SMARCA5: variants seen among roughly 807,000 people sequenced by gnomAD.
SMARCA5 encodes the protein SNF2 related chromatin remodeling ATPase 5.
SMARCA5 carries 18 observed loss-of-function variants against 140.4 expected under a neutral mutation model. The ratio of observed to expected loss-of-function variants is 0.13; its 90% CI spans 0.09 to 0.19. The LOEUF is 0.19. SMARCA5 is among the 10% of genes least tolerant of loss of function. The pLI is 1.00. For missense variants in SMARCA5, 606 were observed against 1,276.8 expected, an observed-to-expected ratio of 0.47 and a Z score of 8.01; for synonymous variants, 449 against 419.6, an observed-to-expected ratio of 1.07 and a Z score of -0.86.
At chr4:143,537,362 C>T (rs766238674) in intron 11 of SMARCA5, among the ~76,000 whole-genome samples, 1 of 152,102 alleles carries the variant, frequency 6.6e-6, no homozygotes, top group Non-Finnish European at 1.5e-5. Context: ...TGTGCAGATT[C>T]AAGTTTGTGT....
At chr4:143,538,079 G>C (rs529919261) in intron 11 of SMARCA5, among the ~76,000 whole-genome samples, 2 of 152,272 alleles carry the variant, frequency 1.3e-5, no homozygotes, top group East Asian at 3.9e-4. Context: ...TTATGTAGCT[G>C]CCTAAAGAAG....
chr4:143,531,936 T>C (rs570503551), intron 9 of SMARCA5, among the ~76,000 whole-genome samples: 2 of 152,324 alleles, frequency 1.3e-5, no homozygotes, highest in African/African-American at 4.8e-5. Context: ...ATTCCATCTT[T>C]AACAATCTGA....
At position 143,540,467 on chromosome 4, in the gene SMARCA5, C is replaced by T. The variant is rs1360451845; in HGVS notation, c.1875C>T (p.Leu625=). The change falls in exon 14 of 24, where the codon CTC becomes CTT. Residue 625 remains leucine (L), a synonymous_variant. Transcript: ENST00000283131. The part of the protein sequence containing the change: ...ERIVERAEMK[L]RLDSIVIQQG... ...TAGTAGAACGTGCTGAGATGAAACT[C>T]AGACTGGATTCAATAGTCATTCAAC... The T allele has an allele frequency of 6.2e-7, 1 of 1,612,652 alleles. No individual in the cohort carries two copies.
At chr4:143,534,788 C>G in intron 9 of SMARCA5, 67 bp from the exon 10 acceptor site, 1 of 1,147,370 alleles carries the variant, frequency 8.7e-7, no homozygotes, top group Non-Finnish European at 1.2e-6. Flanking sequence ...ATATACAATT[C>G]TAAGATGCTG....
At chr4:143,545,874 A>C (rs766738363) in intron 18 of SMARCA5, 51 bp from the exon 19 acceptor site, 1 of 1,543,756 alleles carries the variant, frequency 6.5e-7, no homozygotes, top group Non-Finnish European at 8.8e-7. Context: ...TTGGTTCATC[A>C]CATGCTCTTT....
Position 143,556,100 on chromosome 4 carries a change from C to T in SMARCA5, c.*2916C>T, listed in dbSNP as rs1017189256. ...TCCATAATTTGAATGCTCATTAGGGCATTTCTGATTTTTGGATTAGGGATG... is the reference window on the plus strand; with the variant it reads ...TCCATAATTTGAATGCTCATTAGGGTATTTCTGATTTTTGGATTAGGGATG... On this transcript the variant is annotated 3_prime_UTR_variant, in exon 24 of 24. Transcript: ENST00000283131. The T allele has an allele frequency of 9.9e-5, 15 of 152,112 alleles. No homozygotes were observed. The highest frequency in any genetic ancestry group is 1.3e-4 in the Admixed American group (2 of 15,280). The allele number at this position is 152,112 out of a possible 1,614,324, so 9.4% of individuals were successfully genotyped here.
In SMARCA5 at chr4:143,513,718, G is replaced by T. The variant is rs1473092508; in HGVS notation, c.-207G>T. On this transcript the variant is annotated 5_prime_UTR_variant, in exon 1 of 24. Transcript: ENST00000283131. The stretch of plus-strand genomic sequence containing the variant: ...GAGGTAAGCGCCGGTGGAACCTAGA[G>T]CCCCGCGGAAGAGCAGAACGTTTGG... 6.8e-6 allele frequency: 4 copies of T among 591,852 alleles called. No individual in the cohort carries two copies. Among genetic ancestry groups the T allele is most frequent in the East Asian group, 6.4e-5 (2 of 31,446 alleles). 36.7% of individuals were successfully genotyped at this position (591,852 alleles called of 1,614,324 possible). A position where few individuals can be genotyped will look rare whatever the true frequency, so the allele number is the denominator to read the frequency against.
intron 3 of SMARCA5, among the ~76,000 whole-genome samples, chr4:143,522,271 TG>T (rs1269625671): frequency 3.5e-4 from 54 of 152,314 alleles, no homozygotes; most frequent in African/African-American, 1.2e-3. Context: ...CGTCCTTTGG[TG>T]GTGGTTGAAA....
chr4:143,544,226 A>G, intron 16 of SMARCA5: 1 of 235,174 alleles, frequency 4.3e-6, no homozygotes, highest in South Asian at 1.5e-4. Context: ...GTATGGGATG[A>G]ATAGTAATTT....
intron 11 of SMARCA5, among the ~76,000 whole-genome samples, chr4:143,537,019 T>A (rs183208228): frequency 4.6e-5 from 7 of 152,292 alleles, no homozygotes; most frequent in African/African-American, 1.4e-4. Flanking sequence ...TAGACAGTGG[T>A]GGTGTGTTCA....
intron 2 of SMARCA5, among the ~76,000 whole-genome samples, chr4:143,520,375 C>T (rs930837993): frequency 3.3e-5 from 5 of 152,182 alleles, no homozygotes. Context: ...TACTGGGGTT[C>T]TAGCATGTTC....
intron 19 of SMARCA5, 134 bp from the exon 20 acceptor site, chr4:143,546,642 G>A (rs892418791): frequency 8.4e-6 from 6 of 714,080 alleles, no homozygotes; most frequent in African/African-American, 3.6e-5. Flanking sequence ...TTATGTACAC[G>A]AAAAGTTACC....
rs1737444881 is a variant in SMARCA5, at chr4:143,542,371, A to G, written c.1904-1138A>G. ...TGTTTTTTATTTGAGGGACATAATT[A>G]AAAACGAGAGTACACAAGCACTTTA... On this transcript the variant is annotated intron_variant, in intron 14 of 23. Transcript: ENST00000283131. Among the ~76,000 whole-genome samples, 3 of 152,148 alleles carry G rather than the reference A, an allele frequency of 2.0e-5. No individual in the cohort carries two copies. In the South Asian group the frequency reaches 6.2e-4, roughly 32 times the overall value.
At chr4:143,539,492 T>C (rs1737385449) in intron 13 of SMARCA5, among the ~76,000 whole-genome samples, 1 of 152,078 alleles carries the variant, frequency 6.6e-6, no homozygotes, top group East Asian at 1.9e-4. Context: ...ACCCATGATA[T>C]TGGTGACCAC....
Position 143,528,718 on chromosome 4 carries a change from A to C in SMARCA5, c.1089+4A>C, listed in dbSNP as rs370784205. ...AGATGTGTTTAATTCAGCAGATGTA[A>C]GTATTTCCTGGTGCTTTCTGGTTAA... On this transcript the variant is annotated splice_donor_region_variant and intron_variant, in intron 8 of 23. Coordinates refer to ENST00000283131, the MANE Select transcript of SMARCA5 (RefSeq NM_003601.4). 5 of 1,607,028 alleles carry C rather than the reference A, an allele frequency of 3.1e-6. No homozygotes were observed. In the African/African-American group the frequency reaches 6.7e-5, roughly 22 times the overall value.
At chr4:143,549,941 G>T in intron 22 of SMARCA5, 56 bp from the exon 23 acceptor site, 5 of 935,234 alleles carry the variant, frequency 5.3e-6, no homozygotes, top group East Asian at 5.1e-5. Flanking sequence ...TTTTAAAATT[G>T]AAATCATGAA....
In SMARCA5 at chr4:143,556,820, T is replaced by C. The variant is rs1737769305; in HGVS notation, c.*3636T>C. ...GGATCTGTTAAGGTTTTTATTAGAA[T>C]GATTAAATAGGCTTTTGCAGCATTA... On this transcript the variant is annotated 3_prime_UTR_variant, in exon 24 of 24. Coordinates refer to ENST00000283131, the MANE Select transcript of SMARCA5 (RefSeq NM_003601.4). The C allele has an allele frequency of 6.6e-6, 1 of 152,176 alleles. No individual in the cohort carries two copies. The highest frequency in any genetic ancestry group is 2.4e-5 in the African/African-American group (1 of 41,442). The allele number at this position is 152,176 out of a possible 1,614,324, so 9.4% of individuals were successfully genotyped here.
rs756443687 is a variant in SMARCA5 at position 143,553,143 on chromosome 4, G to A, written c.3118G>A (p.Ala1040Thr). Residue 1040 changes from alanine to threonine, a missense_variant, in exon 24 of 24, where the codon GCA becomes ACA. Around this residue, in one of 10 missense-constraint regions of SMARCA5, gnomAD observed 40 missense variants for 59.8 expected, o/e 0.67. Transcript: ENST00000283131. ...PSTQKRKMDG[A>T]PDGRGRKKKL... ...GACACAGAAACGTAAAATGGATGGCGCACCTGATGGTCGAGGAAGAAAAAA... is the reference window on the plus strand; with the variant it reads ...GACACAGAAACGTAAAATGGATGGCACACCTGATGGTCGAGGAAGAAAAAA... 37 of 1,612,282 alleles carry A rather than the reference G, an allele frequency of 2.3e-5. No homozygotes were observed. Among genetic ancestry groups the A allele is most frequent in the Admixed American group, 1.0e-4 (6 of 59,938 alleles).
chr4:143,536,724 C>T, intron 11 of SMARCA5, 46 bp downstream of exon 11: 4 of 1,325,520 alleles, frequency 3.0e-6, no homozygotes, highest in Middle Eastern at 1.8e-4. Flanking sequence ...TTAAAATGCT[C>T]ATGTTAAAAC....
Sources: gnomAD v4.1 joint callset for allele counts (sites outside exome capture counted in the v4.1 genomes callset) on GRCh38, gnomAD v4.1.1 for gene constraint, gnomAD v4.1.1 regional missense constraint, MANE v1.5 for transcripts, NCBI Gene and HGNC (gene_info 2026-07-23, HGNC 2026-07-21) for gene names.